The following MSANTD7 variants were observed in gnomAD, a reference collection of about 807,000 sequenced individuals.
MSANTD7 encodes Myb/SANT DNA binding domain containing 7.
the MSANTD7 span, chr10:14,842,800 AGAAACCAGT>A: frequency 2.2e-4 from 339 of 1,536,328 alleles, 1 homozygote; most frequent in African/African-American, 4.2e-3. The surrounding 1 kb of genome is among the most constrained non-coding windows in gnomAD (Gnocchi z 5.2). Context: ...ACCGGATACG[AGAAACCAGT>A]GACCTTGAGG....
the MSANTD7 span, chr10:14,844,970 C>T: frequency 1.0e-6 from 1 of 985,288 alleles, no homozygotes; most frequent in Non-Finnish European, 1.2e-6. Flanking sequence ...ATGTTGTAGA[C>T]AGAAGTTTAT....
At chr10:14,845,888 C>T in the MSANTD7 span, 10 of 447,454 alleles carry the variant, frequency 2.2e-5, no homozygotes, top group Non-Finnish European at 2.4e-5. Context: ...TCTTTATCTC[C>T]GGATTGAGGG....
the MSANTD7 span, chr10:14,846,427 G>A: frequency 1.0e-6 from 1 of 985,292 alleles, no homozygotes; most frequent in Admixed American, 6.1e-5. Context: ...TAACCCTAAT[G>A]TGGGAATAAA....
At chr10:14,845,482 A>T in the MSANTD7 span, 1 of 985,280 alleles carries the variant, frequency 1.0e-6, no homozygotes, top group Non-Finnish European at 1.2e-6. Flanking sequence ...CCAGGGATGG[A>T]GGTGTGAGGC....
the MSANTD7 span, chr10:14,840,134 A>G: frequency 6.8e-7 from 1 of 1,470,762 alleles, no homozygotes; most frequent in Non-Finnish European, 9.1e-7. Context: ...CAGTAATGAA[A>G]GTAAAGCAGA....
At chr10:14,842,236 C>A in the MSANTD7 span, 1 of 1,535,652 alleles carries the variant, frequency 6.5e-7, no homozygotes, top group Admixed American at 2.0e-5. This position sits in a 1 kb window ranked among gnomAD's most constrained non-coding sequence, Gnocchi z 5.2. Flanking sequence ...CACCTTCAGA[C>A]TTGCACCTTG....
chr10:14,843,372 G>T, the MSANTD7 span: 4 of 1,550,758 alleles, frequency 2.6e-6, no homozygotes, highest in Non-Finnish European at 3.5e-6. Flanking sequence ...GTTTTTCAGG[G>T]TGCTCTCAAG....
the MSANTD7 span, chr10:14,846,698 T>A: frequency 1.0e-6 from 1 of 971,220 alleles, no homozygotes; most frequent in East Asian, 1.1e-4. Flanking sequence ...AAGGAACAGA[T>A]GAATGTATGA....
the MSANTD7 span, chr10:14,846,911 T>C: frequency 1.0e-6 from 1 of 985,312 alleles, no homozygotes; most frequent in East Asian, 1.1e-4. Context: ...ATCATGTAAA[T>C]AAGGTGCTAT....
At chr10:14,840,087 G>A in the MSANTD7 span, 1 of 1,417,292 alleles carries the variant, frequency 7.1e-7, no homozygotes, top group South Asian at 1.7e-5. Flanking sequence ...TGTTGGATTG[G>A]CAGCAAAACA....
chr10:14,840,040 TAA>T, the MSANTD7 span: 629 of 1,301,600 alleles, frequency 4.8e-4, 4 homozygotes, highest in Admixed American at 1.2e-3. Context: ...ACATACATTG[TAA>T]TATATATATA....
chr10:14,842,624 G>T, the MSANTD7 span: 1 of 1,536,190 alleles, frequency 6.5e-7, no homozygotes, highest in Non-Finnish European at 8.7e-7. This position sits in a 1 kb window ranked among gnomAD's most constrained non-coding sequence, Gnocchi z 5.2. Context: ...CTTAATGGAG[G>T]ATGCTGCTTG....
the MSANTD7 span, chr10:14,842,685 A>T: frequency 2.0e-6 from 3 of 1,536,354 alleles, no homozygotes; most frequent in Non-Finnish European, 2.6e-6. The surrounding 1 kb of genome is among the most constrained non-coding windows in gnomAD (Gnocchi z 5.2). Flanking sequence ...CCAGGGGAAG[A>T]GGGAACCGGC....
At chr10:14,839,091 A>G in the MSANTD7 span, among the ~76,000 whole-genome samples, 7 of 152,166 alleles carry the variant, frequency 4.6e-5, no homozygotes, top group Non-Finnish European at 8.8e-5. Flanking sequence ...AAGCCAGTTG[A>G]TGGTGCGTGG....
chr10:14,844,464 A>C, the MSANTD7 span: 4 of 991,268 alleles, frequency 4.0e-6, no homozygotes, highest in Admixed American at 5.6e-5. Context: ...TTAATTTTTA[A>C]AATCCCTGTG....
the MSANTD7 span, chr10:14,839,877 A>ACTAT: frequency 6.4e-7 from 1 of 1,570,590 alleles, no homozygotes; most frequent in Non-Finnish European, 8.7e-7. Flanking sequence ...GTCTAATGAG[A>ACTAT]CTATGTATTT....
chr10:14,838,632 C>G, the MSANTD7 span: 1 of 601,522 alleles, frequency 1.7e-6, no homozygotes, highest in Non-Finnish European at 2.8e-6. Flanking sequence ...TCGCGCCTGG[C>G]GATTCCTCCG....
the MSANTD7 span, chr10:14,844,799 G>A: frequency 1.0e-6 from 1 of 985,210 alleles, no homozygotes; most frequent in Non-Finnish European, 1.2e-6. Flanking sequence ...AGTTTCGGTT[G>A]CCATTGGAAC....
At chr10:14,842,209 C>T in the MSANTD7 span, 1 of 1,535,422 alleles carries the variant, frequency 6.5e-7, no homozygotes, top group Non-Finnish European at 8.7e-7. The surrounding 1 kb of genome is among the most constrained non-coding windows in gnomAD (Gnocchi z 5.2). Context: ...ATCCTGAGAG[C>T]ACACAGAGCT....
Sources: allele counts gnomAD v4.1 joint callset (sites outside exome capture counted in the v4.1 genomes callset), GRCh38; gene constraint gnomAD v4.1.1; non-coding constraint Gnocchi (gnomAD v3.1); transcripts MANE v1.5; gene names NCBI Gene and HGNC (gene_info 2026-07-23, HGNC 2026-07-21).